The following ITPR2 variants were observed in gnomAD, a reference collection of about 807,000 sequenced individuals.
The protein encoded by ITPR2 is inositol 1,4,5-trisphosphate-gated calcium channel ITPR2.
Under a neutral mutation model 317.1 loss-of-function variants are expected in ITPR2, and 207 were observed. That is an observed-to-expected ratio of 0.65 (90% CI 0.58 to 0.73). ITPR2 has a LOEUF of 0.73. Among genes scored for constraint, ITPR2 ranks in the 30% least tolerant of loss-of-function variants. The pLI, the probability that ITPR2 is intolerant of heterozygous loss-of-function variation, is 0.00. For synonymous variants in ITPR2, 1,156 were observed against 1,149.1 expected, an observed-to-expected ratio of 1.01 and a Z score of -0.12; for missense variants, 2,613 against 3,284.0, an observed-to-expected ratio of 0.80 and a Z score of 4.99.
In ITPR2 at chr12:26,695,613, T is replaced by C. The variant is rs1401267181; in HGVS notation, c.989A>G (p.Lys330Arg). The part of the protein sequence containing the change: ...PDYRDAQNEG[K>R]NVRDGVPPTS... ...AAAGCCAGTTCTACTCACCACATTT[T>C]TTCCTTCATTTTGGGCATCTCGATA... is the stretch of plus-strand genomic sequence containing the variant. Residue 330 changes from lysine (K) to arginine (R), a missense_variant, in exon 10 of 57, where the codon AAA becomes AGA. Lys to Arg is a conservative substitution (Grantham distance 26). This residue lies in a region of ITPR2 where 515 missense variants were observed against 789.4 expected (regional missense o/e 0.65). Transcript: ENST00000381340. 1 of 1,612,860 alleles carries C rather than the reference T, an allele frequency of 6.2e-7. No homozygotes were observed. The highest frequency in any genetic ancestry group is 1.1e-5 in the South Asian group (1 of 91,020).
intron 44 of ITPR2, among the ~76,000 whole-genome samples, chr12:26,475,774 A>G (rs1942403007): frequency 6.6e-6 from 1 of 152,182 alleles, no homozygotes; most frequent in Non-Finnish European, 1.5e-5. Context: ...CCAACAGTGG[A>G]TGGGAGAGAG....
chr12:26,768,094 C>T (rs1400941176), intron 2 of ITPR2, among the ~76,000 whole-genome samples: 1 of 152,172 alleles, frequency 6.6e-6, no homozygotes, highest in South Asian at 2.1e-4. Context: ...TGTGCTTTTT[C>T]CCCATAGCTG....
chr12:26,481,647 T>C (rs1942547142), intron 42 of ITPR2, among the ~76,000 whole-genome samples: 1 of 152,226 alleles, frequency 6.6e-6, no homozygotes, highest in Admixed American at 6.5e-5. Flanking sequence ...AAGACATGTG[T>C]CCCTCATACC....
chr12:26,449,301 C>T (rs1408593131), intron 45 of ITPR2, among the ~76,000 whole-genome samples: 1 of 152,128 alleles, frequency 6.6e-6, no homozygotes, highest in Non-Finnish European at 1.5e-5. Context: ...AACACTACTC[C>T]TATTTGAAGC....
chr12:26,795,391 G>A (rs1205622849), intron 1 of ITPR2, among the ~76,000 whole-genome samples: 8 of 152,092 alleles, frequency 5.3e-5, no homozygotes, highest in Non-Finnish European at 1.0e-4. Context: ...AAACAAAAAG[G>A]ACAAAACATA....
chr12:26,424,505 T>G (rs1940986754), intron 49 of ITPR2, among the ~76,000 whole-genome samples: 1 of 152,160 alleles, frequency 6.6e-6, no homozygotes. Flanking sequence ...TTTCATGTAT[T>G]TATTTCCTAC....
intron 2 of ITPR2, among the ~76,000 whole-genome samples, chr12:26,751,426 A>G (rs1032568611): frequency 6.6e-6 from 1 of 152,142 alleles, no homozygotes. Flanking sequence ...ACTAATCTCA[A>G]ACTACTAGAA....
At chr12:26,570,316 TAATA>T in intron 34 of ITPR2, among the ~76,000 whole-genome samples, 2 of 152,322 alleles carry the variant, frequency 1.3e-5, no homozygotes, top group South Asian at 4.1e-4. Flanking sequence ...TCAGTTGAGT[TAATA>T]AATATGTGAA....
In ITPR2 at chr12:26,701,897, C is replaced by A. The variant is rs1183807403; in HGVS notation, c.952-6247G>T. On this transcript the variant is annotated intron_variant, in intron 9 of 56. Coordinates refer to ENST00000381340, the MANE Select transcript of ITPR2 (RefSeq NM_002223.4). ...ATCTTGAATAAATGACATTATTATG[C>A]AGTACTTGATCTATATTGCTTTGGA... 2.0e-5 allele frequency among the ~76,000 whole-genome samples: 3 copies of A among 152,108 alleles called. No individual in the cohort carries two copies. In the East Asian group the frequency reaches 5.8e-4, roughly 29 times the overall value.
At chr12:26,775,959 T>TATATATATATATATATATA (rs1263788006) in intron 2 of ITPR2, among the ~76,000 whole-genome samples, 2 of 145,082 alleles carry the variant, frequency 1.4e-5, no homozygotes, top group Non-Finnish European at 3.1e-5. Context: ...TATATGTATA[T>TATATATATATATATATATA]CCTATTAGTT....
chr12:26,345,188 C>T (rs1449567335), intron 55 of ITPR2, among the ~76,000 whole-genome samples: 3 of 151,808 alleles, frequency 2.0e-5, no homozygotes, highest in African/African-American at 4.8e-5. Context: ...AAAAAAACAA[C>T]TTAAATTGAT....
At chr12:26,719,679 T>C (rs894333242) in intron 5 of ITPR2, among the ~76,000 whole-genome samples, 12 of 152,332 alleles carry the variant, frequency 7.9e-5, no homozygotes, top group African/African-American at 2.9e-4. Flanking sequence ...TGTATACATG[T>C]GTCATGTTGG....
chr12:26,697,819 T>C (rs1051927197), intron 9 of ITPR2, among the ~76,000 whole-genome samples: 4 of 150,644 alleles, frequency 2.7e-5, no homozygotes, highest in Non-Finnish European at 4.4e-5. Flanking sequence ...TAATAATATA[T>C]AAATACTAAA....
rs755944149 is a variant in ITPR2 at position 26,599,975 on chromosome 12, T to C, written c.3801+12A>G. The C allele has an allele frequency of 9.4e-6, 15 of 1,589,824 alleles. No individual in the cohort carries two copies. The highest frequency in any genetic ancestry group is 6.7e-5 in the Admixed American group (4 of 59,804). ...CTTTACTAGAAATACTAGAAGCCAC[T>C]AAAATACTTACACCTGGAGTTAAAA... is the stretch of plus-strand genomic sequence containing the variant. On this transcript the variant is annotated intron_variant, in intron 29 of 56. Coordinates refer to ENST00000381340, the MANE Select transcript of ITPR2 (RefSeq NM_002223.4).
chr12:26,689,910 C>CA (rs1301051869), intron 10 of ITPR2, among the ~76,000 whole-genome samples: 2 of 152,064 alleles, frequency 1.3e-5, no homozygotes, highest in Non-Finnish European at 2.9e-5. Context: ...ATGATATCCC[C>CA]AGTAACATGA....
intron 37 of ITPR2, among the ~76,000 whole-genome samples, chr12:26,546,522 G>A (rs551809650): frequency 1.3e-3 from 198 of 152,242 alleles, no homozygotes; most frequent in Non-Finnish European, 2.1e-3. Flanking sequence ...TGCTGCAAAT[G>A]ACATGATATC....
intron 2 of ITPR2, among the ~76,000 whole-genome samples, chr12:26,785,332 C>T (rs1592129503): frequency 2.1e-5 from 1 of 46,762 alleles, no homozygotes; most frequent in African/African-American, 5.1e-5. Flanking sequence ...CGGCCAGCCG[C>T]CCCGTCCGGG....
At chr12:26,574,728 T>C (rs1178773012) in intron 34 of ITPR2, among the ~76,000 whole-genome samples, 1 of 152,040 alleles carries the variant, frequency 6.6e-6, no homozygotes. Context: ...CAGCTTCTGG[T>C]GAGGCCTCAG....
chr12:26,632,022 C>T lies in ITPR2; in HGVS notation c.2778G>A (p.Glu926=), dbSNP rs1183166024. The change falls in exon 22 of 57, where the codon GAG becomes GAA. Residue 926 remains glutamate, a synonymous_variant. Coordinates refer to ENST00000381340, the MANE Select transcript of ITPR2 (RefSeq NM_002223.4). The part of the protein sequence containing the change: ...NVMRTIHGVG[E]MMTQMVLSRG... ...TACTGAGTACCATCTGGGTCATCAT[C>T]TCTCCCACCCCATGAATGGTTCTCA... 3 of 1,594,664 alleles carry T rather than the reference C, an allele frequency of 1.9e-6. No homozygotes were observed. Among genetic ancestry groups the T allele is most frequent in the African/African-American group, 1.4e-5 (1 of 74,036 alleles).
Sources: gnomAD v4.1 joint callset for allele counts (sites outside exome capture counted in the v4.1 genomes callset) on GRCh38, gnomAD v4.1.1 for gene constraint, gnomAD v4.1.1 regional missense constraint, MANE v1.5 for transcripts, NCBI Gene and HGNC (gene_info 2026-07-23, HGNC 2026-07-21) for gene names.